The following PPP1R12A variants were observed in gnomAD, a reference collection of about 807,000 sequenced individuals.
PPP1R12A encodes myosin binding subunit.
In PPP1R12A, 19 loss-of-function variants were observed where a neutral mutation model predicts 139.6. The observed-to-expected ratio is 0.14, with a 90% CI of 0.09 to 0.20. The LOEUF (loss-of-function observed/expected upper bound fraction) is 0.20. Among genes scored for constraint, PPP1R12A ranks in the 10% least tolerant of loss-of-function variants. The probability of loss-of-function intolerance (pLI) is 1.00; values close to 1 mark genes in which losing one functional copy is unlikely to be tolerated. For missense variants in PPP1R12A, 925 were observed against 1,211.5 expected, an observed-to-expected ratio of 0.76 and a Z score of 3.51; for synonymous variants, 427 against 420.6, an observed-to-expected ratio of 1.02 and a Z score of -0.19.
At chr12:79,895,009 G>A (rs1885006596) in intron 1 of PPP1R12A, among the ~76,000 whole-genome samples, 1 of 152,110 alleles carries the variant, frequency 6.6e-6, no homozygotes, top group Non-Finnish European at 1.5e-5. Flanking sequence ...AAAATCACGT[G>A]AGGACTTCTC....
chr12:79,815,524 G>GAAAAAAAAAAAAAAAAAA (rs796393176), intron 9 of PPP1R12A, among the ~76,000 whole-genome samples: 1 of 96,608 alleles, frequency 1.0e-5, no homozygotes. Context: ...GCCTCAAAAA[G>GAAAAAAAAAAAAAAAAAA]AAAAAAAAAA....
intron 1 of PPP1R12A, among the ~76,000 whole-genome samples, chr12:79,876,726 T>C (rs1261655726): frequency 1.3e-5 from 2 of 152,184 alleles, no homozygotes; most frequent in Non-Finnish European, 2.9e-5. Context: ...ACAAAGTTTC[T>C]ATCAAGAAAA....
At chr12:79,788,859 T>C in intron 20 of PPP1R12A, 76 bp from the exon 21 acceptor site, 2 of 1,294,870 alleles carry the variant, frequency 1.5e-6, no homozygotes, top group South Asian at 1.6e-5. Context: ...CTAGTACACA[T>C]ATAACTTGAC....
At chr12:79,855,223 C>T (rs568611237) in intron 2 of PPP1R12A, among the ~76,000 whole-genome samples, 6 of 151,808 alleles carry the variant, frequency 4.0e-5, no homozygotes, top group Non-Finnish European at 7.4e-5. Context: ...CTCCTGACCT[C>T]GTGATCCGCC....
intron 3 of PPP1R12A, among the ~76,000 whole-genome samples, chr12:79,843,847 G>C (rs573267413): frequency 6.6e-6 from 1 of 151,600 alleles, no homozygotes; most frequent in East Asian, 2.0e-4. Flanking sequence ...TGGGATTACA[G>C]GCGCCCACCA....
chr12:79,887,169 T>C (rs1220823473), intron 1 of PPP1R12A, among the ~76,000 whole-genome samples: 1 of 152,180 alleles, frequency 6.6e-6, no homozygotes, highest in African/African-American at 2.4e-5. Context: ...AAATACATAA[T>C]ACATATGTAG....
intron 1 of PPP1R12A, among the ~76,000 whole-genome samples, chr12:79,915,846 A>G (rs1412842620): frequency 6.6e-6 from 1 of 152,130 alleles, no homozygotes. Context: ...TCACCCAGCT[A>G]TTAGTGAGCC....
intron 1 of PPP1R12A, among the ~76,000 whole-genome samples, chr12:79,895,774 C>A (rs1885073391): frequency 6.6e-6 from 1 of 152,172 alleles, no homozygotes; most frequent in Non-Finnish European, 1.5e-5. Context: ...CAATTACTAT[C>A]ATCTGTAAGG....
chr12:79,869,346 A>C (rs1026643214), intron 2 of PPP1R12A, among the ~76,000 whole-genome samples: 1 of 152,232 alleles, frequency 6.6e-6, no homozygotes, highest in African/African-American at 2.4e-5. Flanking sequence ...AATGTATCCT[A>C]ATCATCCTCA....
intron 15 of PPP1R12A, 69 bp downstream of exon 15, chr12:79,798,425 G>A (rs1872722866): frequency 2.0e-6 from 2 of 984,254 alleles, no homozygotes; most frequent in Admixed American, 2.5e-5. Flanking sequence ...CTTGTTTTAT[G>A]TCAGTGTGTG....
Position 79,931,354 on chromosome 12 carries a change from T to C in PPP1R12A, c.237+3341A>G, listed in dbSNP as rs1451678578. Among the ~76,000 whole-genome samples, 3 of 152,180 alleles carry C rather than the reference T, an allele frequency of 2.0e-5. No homozygotes were observed. The South Asian group carries it at 6.2e-4, about 31-fold the overall frequency. ...AAATTACAATACATTTAATATTTCA[T>C]TTCAAATCAATACATAACCCCAAAA... On this transcript the variant is annotated intron_variant, in intron 1 of 24. Transcript: ENST00000450142.
At chr12:79,932,462 G>A (rs1223972617) in intron 1 of PPP1R12A, among the ~76,000 whole-genome samples, 2 of 152,154 alleles carry the variant, frequency 1.3e-5, no homozygotes, top group Non-Finnish European at 2.9e-5. Context: ...TAAAGACTTT[G>A]GCTTCACCGA....
At chr12:79,921,208 G>C (rs769083375) in intron 1 of PPP1R12A, among the ~76,000 whole-genome samples, 2 of 152,098 alleles carry the variant, frequency 1.3e-5, no homozygotes, top group African/African-American at 4.8e-5. Context: ...CTGTATGCAA[G>C]TGAGGAGAAA....
intron 2 of PPP1R12A, among the ~76,000 whole-genome samples, chr12:79,862,151 C>G (rs898287180): frequency 3.3e-5 from 5 of 152,172 alleles, no homozygotes; most frequent in Admixed American, 2.0e-4. Flanking sequence ...TGTTCTGCAG[C>G]CTCCATTGGT....
At chr12:79,828,253 T>C in intron 5 of PPP1R12A, 67 bp downstream of exon 5, 1 of 1,373,084 alleles carries the variant, frequency 7.3e-7, no homozygotes, top group Non-Finnish European at 9.9e-7. Context: ...AGACTATATT[T>C]CTAAATATAC....
chr12:79,825,998 A>G (rs1198223785), intron 5 of PPP1R12A, among the ~76,000 whole-genome samples: 1 of 152,034 alleles, frequency 6.6e-6, no homozygotes, highest in Non-Finnish European at 1.5e-5. Flanking sequence ...AATGCTATAG[A>G]CATTATGTAG....
intron 2 of PPP1R12A, among the ~76,000 whole-genome samples, chr12:79,868,918 C>T (rs1882275445): frequency 6.6e-6 from 1 of 152,080 alleles, no homozygotes; most frequent in South Asian, 2.1e-4. Flanking sequence ...TTATTGACTG[C>T]ATAATTTTTA....
At chr12:79,813,761 C>T (rs184426992) in intron 9 of PPP1R12A, among the ~76,000 whole-genome samples, 27 of 152,238 alleles carry the variant, frequency 1.8e-4, no homozygotes, top group East Asian at 1.3e-3. Flanking sequence ...TTAATTTCAG[C>T]GGAAGGGTTA....
intron 24 of PPP1R12A, among the ~76,000 whole-genome samples, chr12:79,776,978 G>A (rs1170234016): frequency 6.6e-6 from 1 of 151,920 alleles, no homozygotes; most frequent in Non-Finnish European, 1.5e-5. Flanking sequence ...TTAATTTTAC[G>A]TGGAACCAAT....
Sources: gnomAD v4.1 joint callset for allele counts (sites outside exome capture counted in the v4.1 genomes callset) on GRCh38, gnomAD v4.1.1 for gene constraint, MANE v1.5 for transcripts, NCBI Gene and HGNC (gene_info 2026-07-23, HGNC 2026-07-21) for gene names.